The following USP28 variants were observed in gnomAD, a reference collection of about 807,000 sequenced individuals.
USP28 encodes ubiquitin carboxyl-terminal hydrolase 28.
Under a neutral mutation model 145.0 loss-of-function variants are expected in USP28, and 113 were observed. The ratio of observed to expected loss-of-function variants is 0.78; its 90% CI spans 0.67 to 0.91. The LOEUF (loss-of-function observed/expected upper bound fraction) is 0.91, where lower values mean the gene tolerates loss of function less well. Ranked by LOEUF, USP28 falls within the 40% of genes least tolerant of loss-of-function variation. The probability of loss-of-function intolerance (pLI) is 0.00; values close to 1 mark genes in which losing one functional copy is unlikely to be tolerated. For synonymous variants in USP28, 447 were observed against 450.9 expected, an observed-to-expected ratio of 0.99 and a Z score of 0.11; for missense variants, 1,201 against 1,289.6, an observed-to-expected ratio of 0.93 and a Z score of 1.05.
At chr11:113,829,824 C>CAAAAAAAAAAAAAAAAAAAAAAATAAAA in intron 9 of USP28, among the ~76,000 whole-genome samples, 1 of 104,710 alleles carries the variant, frequency 9.6e-6, no homozygotes, top group Non-Finnish European at 1.9e-5. Flanking sequence ...GGACTTGTCT[C>CAAAAAAAAAAAAAAAAAAAAAAATAAAA]AAAAAAAAAA....
intron 12 of USP28, among the ~76,000 whole-genome samples, chr11:113,819,670 A>G (rs1942311200): frequency 6.6e-6 from 1 of 152,252 alleles, no homozygotes. Context: ...TATCAAGGGA[A>G]TAATTAGAAT....
intron 1 of USP28, among the ~76,000 whole-genome samples, chr11:113,866,900 G>A (rs547268733): frequency 1.3e-5 from 2 of 152,296 alleles, no homozygotes; most frequent in South Asian, 2.1e-4. Flanking sequence ...TCAAATGTCC[G>A]TCAATGGAAG....
intron 3 of USP28, among the ~76,000 whole-genome samples, chr11:113,842,272 A>C (rs560189370): frequency 1.3e-3 from 171 of 127,494 alleles, no homozygotes; most frequent in African/African-American, 5.0e-3. Context: ...CCAATAATAT[A>C]AAAAAAAAAA....
In USP28 at chr11:113,804,831, C is replaced by G. The variant is rs73552946; in HGVS notation, c.2579+37G>C. ...AACAGAGGAGTCCATCTAGCCCAAC[C>G]CAGACCAAGGGATTCACCTGAATAT... On this transcript the variant is annotated intron_variant, in intron 20 of 24. Transcript: ENST00000003302. 3.0e-3 allele frequency: 4,811 copies of G among 1,611,770 alleles called. 112 individuals carry two copies. The African/African-American group carries it at 0.057, about 19-fold the overall frequency.
intron 14 of USP28, 112 bp downstream of exon 14, chr11:113,815,062 A>G (rs1591197102): frequency 1.4e-5 from 13 of 939,498 alleles, no homozygotes; most frequent in South Asian, 3.5e-5. Flanking sequence ...GGCGGGGGGG[A>G]AATTCTGTAG....
intron 3 of USP28, among the ~76,000 whole-genome samples, chr11:113,844,847 G>A (rs1233153207): frequency 5.3e-5 from 8 of 152,064 alleles, no homozygotes; most frequent in Non-Finnish European, 8.8e-5. Context: ...GCTCACGCCT[G>A]TAATCCCAGC....
At chr11:113,810,954 C>T (rs370308583) in intron 16 of USP28, among the ~76,000 whole-genome samples, 1 of 152,160 alleles carries the variant, frequency 6.6e-6, no homozygotes, top group Non-Finnish European at 1.5e-5. Context: ...GGATTACAGG[C>T]GTGAACCACC....
chr11:113,862,780 G>GAA (rs1221960589), intron 1 of USP28, among the ~76,000 whole-genome samples: 1 of 151,546 alleles, frequency 6.6e-6, no homozygotes, highest in African/African-American at 2.4e-5. Flanking sequence ...GAATGAAGGA[G>GAA]AAAAAAAACA....
At chr11:113,815,222 T>C (rs1268182930) in exon 14 of USP28, 1 of 1,614,196 alleles carries the variant, frequency 6.2e-7, no homozygotes, top group South Asian at 1.1e-5. Flanking sequence ...AGACAGGTCT[T>C]AACAAAATTT....
In USP28 at chr11:113,817,646, T is replaced by G; in HGVS notation, c.1463+12A>C. ...ACAATACATACCATTAAAAAAAAAATGTTTTCATTACCTTTCCTTGGATGT... is the reference window on the plus strand; with the variant it reads ...ACAATACATACCATTAAAAAAAAAAGGTTTTCATTACCTTTCCTTGGATGT... On this transcript the variant is annotated intron_variant, in intron 13 of 24. Transcript: ENST00000003302. 3.1e-6 allele frequency: 5 copies of G among 1,602,978 alleles called. No individual in the cohort carries two copies. Among genetic ancestry groups the G allele is most frequent in the Non-Finnish European group, 4.3e-6 (5 of 1,173,776 alleles).
At chr11:113,813,976 A>G (rs750257824) in intron 14 of USP28, 21 bp from the exon 15 acceptor site, 1 of 1,570,790 alleles carries the variant, frequency 6.4e-7, no homozygotes, top group South Asian at 1.1e-5. Context: ...AAAGAAAAAC[A>G]AAAGCTTCAC....
intron 5 of USP28, among the ~76,000 whole-genome samples, chr11:113,834,742 T>G (rs909195618): frequency 1.3e-5 from 2 of 152,160 alleles, no homozygotes; most frequent in African/African-American, 4.8e-5. Context: ...ATATAAACTA[T>G]ACTACATTTA....
intron 3 of USP28, among the ~76,000 whole-genome samples, chr11:113,850,365 A>C (rs1946321853): frequency 6.6e-6 from 1 of 152,230 alleles, no homozygotes; most frequent in Non-Finnish European, 1.5e-5. Context: ...TCAATCAACA[A>C]ATACATACAA....
intron 1 of USP28, 52 bp from the exon 2 acceptor site, chr11:113,854,387 T>C (rs1946812928): frequency 6.5e-7 from 1 of 1,527,546 alleles, no homozygotes; most frequent in African/African-American, 1.4e-5. Context: ...AAAGTAAACC[T>C]GGGTACATTT....
At position 113,841,656 on chromosome 11, in the gene USP28, C is replaced by A. The variant is rs1189765545; in HGVS notation, c.374+7G>T. 2 of 1,590,844 alleles carry A rather than the reference C, an allele frequency of 1.3e-6. No homozygotes were observed. The highest frequency in any genetic ancestry group is 1.1e-5 in the South Asian group (1 of 89,366). ...GGGGGGCAAGAATTATAAGTTAAAT[C>A]AATAACCTGTTAAGATCTCTTCCAT... On this transcript the variant is annotated splice_region_variant and intron_variant, in intron 4 of 24. Coordinates refer to ENST00000003302, the Ensembl canonical transcript of USP28.
intron 5 of USP28, among the ~76,000 whole-genome samples, chr11:113,836,218 A>C (rs1370565705): frequency 6.6e-6 from 1 of 152,104 alleles, no homozygotes; most frequent in Non-Finnish European, 1.5e-5. Flanking sequence ...CTCCTCCCCC[A>C]GTCACCAAAG....
chr11:113,874,341 CT>C (rs1255025121), intron 1 of USP28, among the ~76,000 whole-genome samples: 2 of 144,664 alleles, frequency 1.4e-5, no homozygotes, highest in Non-Finnish European at 3.0e-5. Context: ...ATACCAGCTA[CT>C]CAGGAGGGTG....
At position 113,853,742 on chromosome 11, in the gene USP28, G is replaced by C. The variant is rs998689276; in HGVS notation, c.135+516C>G. Among the ~76,000 whole-genome samples the C allele has an allele frequency of 2.6e-5, 4 of 151,936 alleles. 1 individual carries two copies. Among genetic ancestry groups the C allele is most frequent in the Admixed American group, 2.0e-4 (3 of 15,252 alleles). ...ATACAAAAATTAGCCAGGTGTGGTGGCGCATGCCTGTAATCCCAGCTACTT... is the reference window on the plus strand; with the variant it reads ...ATACAAAAATTAGCCAGGTGTGGTGCCGCATGCCTGTAATCCCAGCTACTT... On this transcript the variant is annotated intron_variant, in intron 2 of 24. Transcript: ENST00000003302.
intron 5 of USP28, chr11:113,835,076 T>C (rs1944422319): frequency 7.6e-5 from 27 of 357,190 alleles, no homozygotes; most frequent in South Asian, 4.6e-4. Flanking sequence ...AGGTGGTTAG[T>C]ATAGCAGTGT....
Sources: allele counts gnomAD v4.1 joint callset (sites outside exome capture counted in the v4.1 genomes callset), GRCh38; gene constraint gnomAD v4.1.1; transcripts MANE v1.5; gene names NCBI Gene and HGNC (gene_info 2026-07-23, HGNC 2026-07-21).